PTK7: variants seen among roughly 807,000 people sequenced by gnomAD.
PTK7 encodes the protein inactive tyrosine-protein kinase 7.
In PTK7, 39 loss-of-function variants were observed where a neutral mutation model predicts 116.6. That is an observed-to-expected ratio of 0.33 (90% CI 0.26 to 0.44). PTK7 has a LOEUF of 0.44. Ranked by LOEUF, PTK7 falls within the 20% of genes least tolerant of loss-of-function variation. The pLI, the probability that PTK7 is intolerant of heterozygous loss-of-function variation, is 1.00. For synonymous variants in PTK7, 546 were observed against 563.6 expected, an observed-to-expected ratio of 0.97 and a Z score of 0.44; for missense variants, 1,169 against 1,425.6, an observed-to-expected ratio of 0.82 and a Z score of 2.90.
At chr6:43,091,230 G>C (rs1766940884) in intron 1 of PTK7, among the ~76,000 whole-genome samples, 1 of 144,502 alleles carries the variant, frequency 6.9e-6, no homozygotes, top group Non-Finnish European at 1.5e-5. Flanking sequence ...ACGTGATCTT[G>C]GCTCACTGCA....
chr6:43,153,795 G>A (rs1771265673), intron 17 of PTK7, among the ~76,000 whole-genome samples: 1 of 152,054 alleles, frequency 6.6e-6, no homozygotes, highest in Admixed American at 6.6e-5. Context: ...GCAGCACTTT[G>A]GGAGGCCAAG....
intron 1 of PTK7, among the ~76,000 whole-genome samples, chr6:43,107,681 ATTGT>A (rs1767968420): frequency 6.6e-6 from 1 of 152,184 alleles, no homozygotes; most frequent in Non-Finnish European, 1.5e-5. Context: ...TAAGTAAATG[ATTGT>A]TGAATTAAGA....
chr6:43,145,574 G>A lies in PTK7; in HGVS notation c.2640+142G>A. ...CCTCACCTGCCTGCTGTTACACTTT[G>A]CCCACCTTATGATGCTCAGCTTCTG... On this transcript the variant is annotated intron_variant, in intron 16 of 19. Transcript: ENST00000230419. This position sits in a 1 kb window ranked among gnomAD's most constrained non-coding sequence, Gnocchi z 4.8. The A allele has an allele frequency of 1.8e-6, 1 of 570,362 alleles. No individual in the cohort carries two copies. The highest frequency in any genetic ancestry group is 2.8e-6 in the Non-Finnish European group (1 of 351,064). 35.3% of individuals were successfully genotyped at this position (570,362 alleles called of 1,614,324 possible).
intron 17 of PTK7, among the ~76,000 whole-genome samples, chr6:43,157,364 ATTTTTTTTTTTC>A (rs1771549418): frequency 3.1e-4 from 17 of 54,358 alleles, no homozygotes; most frequent in African/African-American, 1.2e-3. Flanking sequence ...ATATATATAT[ATTTTTTTTTTTC>A]TTTTTTTTTT....
At chr6:43,081,013 A>T (rs944981905) in intron 1 of PTK7, among the ~76,000 whole-genome samples, 2 of 151,774 alleles carry the variant, frequency 1.3e-5, no homozygotes, top group African/African-American at 4.8e-5. Context: ...GTGTGCTTCA[A>T]AGATTCCTTC....
In PTK7 at chr6:43,143,194, G is replaced by A. The variant is rs968780001; in HGVS notation, c.2048-223G>A. On this transcript the variant is annotated intron_variant, in intron 13 of 19. Coordinates refer to ENST00000230419, the MANE Select transcript of PTK7 (RefSeq NM_002821.5). The surrounding 1 kb of genome is among the most constrained non-coding windows in gnomAD (Gnocchi z 4.2). Reference sequence around the variant, plus strand: ...CGTGTCGCCTGTCTTGGCTTCCGATGCAAAGCCAGCTTGGGAACCCCTGGC... The same window carrying A: ...CGTGTCGCCTGTCTTGGCTTCCGATACAAAGCCAGCTTGGGAACCCCTGGC... 30 of 515,974 alleles carry A rather than the reference G, an allele frequency of 5.8e-5. No individual in the cohort carries two copies. Among genetic ancestry groups the A allele is most frequent in the Admixed American group, 2.5e-4 (7 of 28,352 alleles). 32.0% of individuals were successfully genotyped at this position (515,974 alleles called of 1,614,324 possible).
intron 1 of PTK7, among the ~76,000 whole-genome samples, chr6:43,118,681 A>ATATG (rs1554152042): frequency 1.1e-4 from 12 of 105,596 alleles, no homozygotes; most frequent in African/African-American, 1.8e-4. Context: ...ATATATATAT[A>ATATG]TATATATGTA....
intron 7 of PTK7, chr6:43,132,971 T>C (rs1210581016): frequency 3.5e-6 from 2 of 572,776 alleles, no homozygotes; most frequent in East Asian, 5.6e-5. Flanking sequence ...TGGGTCCCAC[T>C]ATGCTCCCAA....
At chr6:43,119,782 C>T (rs1296045990) in intron 1 of PTK7, among the ~76,000 whole-genome samples, 1 of 152,190 alleles carries the variant, frequency 6.6e-6, no homozygotes, top group African/African-American at 2.4e-5. Flanking sequence ...CAGGAGACAG[C>T]TGGCTGCTGT....
intron 1 of PTK7, among the ~76,000 whole-genome samples, chr6:43,101,875 CT>C (rs1767600797): frequency 6.6e-6 from 1 of 152,164 alleles, no homozygotes; most frequent in Non-Finnish European, 1.5e-5. Flanking sequence ...GCATGGGTGG[CT>C]TACCCTTTAT....
chr6:43,076,408 G>C lies in PTK7; in HGVS notation c.-81G>C. 3.4e-6 allele frequency: 4 copies of C among 1,182,204 alleles called. No individual in the cohort carries two copies. Among genetic ancestry groups the C allele is most frequent in the Non-Finnish European group, 4.4e-6 (4 of 908,482 alleles). The allele number at this position is 1,182,204 out of a possible 1,614,324, so 73.2% of individuals were successfully genotyped here. A position where few individuals can be genotyped will look rare whatever the true frequency, so the allele number is the denominator to read the frequency against. The stretch of plus-strand genomic sequence containing the variant: ...TGCTGCGGCGCCCGCGCTCCGGTGC[G>C]CTCCGCCTCCTGTGCCCGCCGCGGA... On this transcript the variant is annotated 5_prime_UTR_variant, in exon 1 of 20. Coordinates refer to ENST00000230419, the MANE Select transcript of PTK7 (RefSeq NM_002821.5). The surrounding 1 kb of genome is among the most constrained non-coding windows in gnomAD (Gnocchi z 5.7).
chr6:43,120,376 G>C lies in PTK7; in HGVS notation c.80-8601G>C, dbSNP rs554312829. On this transcript the variant is annotated intron_variant, in intron 1 of 19. Coordinates refer to ENST00000230419, the MANE Select transcript of PTK7 (RefSeq NM_002821.5). ...GTCACAGCAGAGGCAAGAGTGATGG[G>C]GTATCCCAGGCAATGAGATTTCAGT... is the stretch of plus-strand genomic sequence containing the variant. Among the ~76,000 whole-genome samples, 10 of 152,290 alleles carry C rather than the reference G, an allele frequency of 6.6e-5. No individual in the cohort carries two copies. The East Asian group carries it at 1.9e-3, about 29-fold the overall frequency.
chr6:43,144,741 C>T, intron 15 of PTK7, 135 bp downstream of exon 15: 1 of 1,156,210 alleles, frequency 8.6e-7, no homozygotes, highest in Non-Finnish European at 1.2e-6. Flanking sequence ...AGGTAGAGAT[C>T]TAGCCCAGTG....
At chr6:43,133,226 G>A (rs918077716) in intron 7 of PTK7, 34 of 164,836 alleles carry the variant, frequency 2.1e-4, no homozygotes, top group Non-Finnish European at 4.0e-4. Context: ...TATTACTTAT[G>A]AAAAAAAAGA....
At chr6:43,128,401 CTG>C (rs1308687885) in intron 1 of PTK7, among the ~76,000 whole-genome samples, 10 of 152,234 alleles carry the variant, frequency 6.6e-5, no homozygotes, top group African/African-American at 2.4e-4. Flanking sequence ...GTGACTGTAA[CTG>C]TGTTCTGTGT....
rs6900094 is a variant in PTK7 at position 43,130,379 on chromosome 6, G to A, written c.620G>A (p.Gly207Asp). The A allele has an allele frequency of 1.9e-6, 3 of 1,610,168 alleles. No homozygotes were observed. Among genetic ancestry groups the A allele is most frequent in the South Asian group, 2.2e-5 (2 of 90,948 alleles). Residue 207 changes from glycine to aspartate, a missense_variant, in exon 4 of 20, where the codon GGC becomes GAC. Gly to Asp is a moderately conservative substitution (Grantham distance 94). Coordinates refer to ENST00000230419, the MANE Select transcript of PTK7 (RefSeq NM_002821.5). Reference protein sequence around the residue: ...LYSCCAHSAFGQACSSQNFTL... With the variant: ...LYSCCAHSAFDQACSSQNFTL... The stretch of plus-strand genomic sequence containing the variant: ...TCCTGCTGCGCCCACAGTGCTTTTG[G>A]CCAGGCTTGCAGCAGCCAGAACTTC...
At chr6:43,153,408 C>T (rs141029141) in intron 17 of PTK7, among the ~76,000 whole-genome samples, 2,208 of 150,968 alleles carry the variant, frequency 0.015, 56 homozygotes, top group African/African-American at 0.05. Flanking sequence ...CCACCACACC[C>T]GGCCTGTATT....
intron 1 of PTK7, among the ~76,000 whole-genome samples, chr6:43,097,128 T>G (rs1028007634): frequency 5.9e-5 from 9 of 152,188 alleles, no homozygotes; most frequent in African/African-American, 2.2e-4. Flanking sequence ...TTTAGCCTCC[T>G]CCTGCGCGGT....
chr6:43,144,965 C>A (rs1770642410), intron 15 of PTK7: 1 of 431,384 alleles, frequency 2.3e-6, no homozygotes, highest in African/African-American at 2.0e-5. Context: ...CCATGAGCCA[C>A]CAAAAATTCT....
Sources: allele counts gnomAD v4.1 joint callset (sites outside exome capture counted in the v4.1 genomes callset), GRCh38; gene constraint gnomAD v4.1.1; non-coding constraint Gnocchi (gnomAD v3.1); transcripts MANE v1.5; gene names NCBI Gene and HGNC (gene_info 2026-07-23, HGNC 2026-07-21).